The following PTPRN2 variants were observed in gnomAD, a reference collection of about 807,000 sequenced individuals.
PTPRN2 encodes the protein receptor-type tyrosine-protein phosphatase N2.
A neutral mutation model predicts 118.8 loss-of-function variants in PTPRN2; 74 were observed. The ratio of observed to expected loss-of-function variants is 0.62; its 90% confidence interval spans 0.52 to 0.76. The LOEUF is 0.76. Ranked by LOEUF, PTPRN2 falls within the 30% of genes least tolerant of loss-of-function variation. The pLI is 0.00. For synonymous variants in PTPRN2, 641 were observed against 608.0 expected (o/e 1.05, Z -0.80); for missense variants, 1,481 against 1,394.4 (o/e 1.06, Z -0.99).
chr7:158,287,219 CTCT>C (rs747329953), intron 3 of PTPRN2, among the ~76,000 whole-genome samples: 2 of 151,976 alleles, frequency 1.3e-5, no homozygotes, highest in South Asian at 2.1e-4. Flanking sequence ...CTTGACTTTT[CTCT>C]TTTTTCTTAG....
intron 11 of PTPRN2, among the ~76,000 whole-genome samples, chr7:157,918,666 A>G (rs1413621584): frequency 1.3e-5 from 2 of 152,262 alleles, no homozygotes; most frequent in Non-Finnish European, 2.9e-5. Flanking sequence ...CACCAAGAAA[A>G]TGTGCAATTT....
intron 12 of PTPRN2, among the ~76,000 whole-genome samples, chr7:157,853,160 A>T (rs764924393): frequency 7.2e-5 from 11 of 152,200 alleles, no homozygotes; most frequent in Non-Finnish European, 1.5e-4. Flanking sequence ...GGAAACAAGA[A>T]GCAGCTCACT....
rs1408966199 is a variant in PTPRN2, at chr7:157,944,997, C to T, written c.1724-46260G>A. On this transcript the variant is annotated intron_variant, in intron 11 of 22. Coordinates refer to ENST00000389418, the MANE Select transcript of PTPRN2 (RefSeq NM_002847.5). The surrounding 1 kb of genome is among the most constrained non-coding windows in gnomAD (Gnocchi z 4.3). ...CCCAGTGCTGTGACCCCACCATGAT[C>T]GCTCATCTGCTCCAGCTGGAGCACT... Among the ~76,000 whole-genome samples the T allele has an allele frequency of 2.6e-5, 4 of 152,224 alleles. No homozygotes were observed. The highest frequency in any genetic ancestry group is 6.5e-5 in the Admixed American group (1 of 15,290).
intron 8 of PTPRN2, among the ~76,000 whole-genome samples, chr7:158,135,640 C>A (rs990178719): frequency 6.6e-6 from 1 of 152,150 alleles, no homozygotes; most frequent in Non-Finnish European, 1.5e-5. Flanking sequence ...CGCTCCCTGC[C>A]CCTCAGGTGG....
rs139976403 is a variant in PTPRN2 at position 157,817,771 on chromosome 7, G to A, written c.1788+80902C>T. ...GTGTGTGTCTATGTGTAATGTGTGA[G>A]AGACGTGTGTGATGTGTGCATGTGT... On this transcript the variant is annotated intron_variant, in intron 12 of 22. Transcript: ENST00000389418. Among the ~76,000 whole-genome samples, 106 of 152,216 alleles carry A rather than the reference G, an allele frequency of 7.0e-4. 1 individual carries two copies. The highest frequency in any genetic ancestry group is 1.3e-3 in the Non-Finnish European group (88 of 68,020).
At chr7:158,522,661 T>C (rs1824294233) in intron 1 of PTPRN2, among the ~76,000 whole-genome samples, 2 of 152,184 alleles carry the variant, frequency 1.3e-5, no homozygotes, top group African/African-American at 2.4e-5. Context: ...TGGACACAGA[T>C]TAAGGTGAAG....
intron 2 of PTPRN2, among the ~76,000 whole-genome samples, chr7:158,335,587 G>T (rs1298107966): frequency 5.8e-5 from 1 of 17,178 alleles, no homozygotes; most frequent in East Asian, 1.3e-3. Flanking sequence ...GGCCCACAGA[G>T]GACACTCACA....
intron 11 of PTPRN2, among the ~76,000 whole-genome samples, chr7:157,908,352 A>C (rs1797897172): frequency 6.6e-6 from 1 of 152,378 alleles, no homozygotes; most frequent in South Asian, 2.1e-4. Context: ...GAGGCCTTTC[A>C]TGCCTGGGAG....
intron 12 of PTPRN2, among the ~76,000 whole-genome samples, chr7:157,839,943 C>T (rs567074086): frequency 4.9e-5 from 6 of 121,990 alleles, no homozygotes; most frequent in South Asian, 2.8e-4. Flanking sequence ...TGTGTGACTG[C>T]GTGTGACTGT....
chr7:157,557,898 T>C (rs1232053237), intron 21 of PTPRN2, among the ~76,000 whole-genome samples: 2 of 151,450 alleles, frequency 1.3e-5, no homozygotes, highest in Non-Finnish European at 2.9e-5. Context: ...TAGAAGTGTA[T>C]GAATGAGTAC....
At position 157,964,056 on chromosome 7, in the gene PTPRN2, C is replaced by T. The variant is rs1801728077; in HGVS notation, c.1724-65319G>A. Reference sequence around the variant, plus strand: ...AGTATTTTTTTTAATAAAGATTATTCCCAATAGATCTTAGTCTTCATCTGT... The same window carrying T: ...AGTATTTTTTTTAATAAAGATTATTTCCAATAGATCTTAGTCTTCATCTGT... On this transcript the variant is annotated intron_variant, in intron 11 of 22. Coordinates refer to ENST00000389418, the MANE Select transcript of PTPRN2 (RefSeq NM_002847.5). The surrounding 1 kb of genome is among the most constrained non-coding windows in gnomAD (Gnocchi z 9.0). Among the ~76,000 whole-genome samples the T allele has an allele frequency of 6.6e-6, 1 of 152,086 alleles. No individual in the cohort carries two copies. The highest frequency in any genetic ancestry group is 2.1e-4 in the South Asian group (1 of 4,808).
rs139409665 is a variant in PTPRN2, at chr7:158,526,937, G to A, written c.113-37152C>T. Among the ~76,000 whole-genome samples, 1,390 of 152,234 alleles carry A rather than the reference G, an allele frequency of 9.1e-3. 19 individuals carry two copies. The highest frequency in any genetic ancestry group is 0.032 in the African/African-American group (1,310 of 41,538). On this transcript the variant is annotated intron_variant, in intron 1 of 22. Coordinates refer to ENST00000389418, the MANE Select transcript of PTPRN2 (RefSeq NM_002847.5). The surrounding 1 kb of genome is among the most constrained non-coding windows in gnomAD (Gnocchi z 5.2). The stretch of plus-strand genomic sequence containing the variant: ...TGAGCCAATTCATACAGTGGATTCC[G>A]CCACTTTCTTTCTAACACAATGAAG...
chr7:158,493,066 CT>C (rs1312775547), intron 1 of PTPRN2, among the ~76,000 whole-genome samples: 1 of 152,238 alleles, frequency 6.6e-6, no homozygotes, highest in Non-Finnish European at 1.5e-5. Flanking sequence ...ATTATCCACC[CT>C]TTTGCATGAA....
intron 11 of PTPRN2, among the ~76,000 whole-genome samples, chr7:157,917,512 A>C (rs1798476872): frequency 6.6e-6 from 1 of 152,240 alleles, no homozygotes; most frequent in Non-Finnish European, 1.5e-5. Flanking sequence ...ATGGCTGCGC[A>C]GTAATAATAG....
chr7:157,795,377 G>A (rs1384913091), intron 12 of PTPRN2, among the ~76,000 whole-genome samples: 3 of 152,212 alleles, frequency 2.0e-5, no homozygotes, highest in Admixed American at 2.0e-4. Context: ...CAAAATCTCC[G>A]ACTCCACATG....
At chr7:157,996,309 C>T (rs1192032950) in intron 11 of PTPRN2, among the ~76,000 whole-genome samples, 5 of 152,334 alleles carry the variant, frequency 3.3e-5, no homozygotes, top group East Asian at 1.9e-4. Context: ...GGTGAGAATT[C>T]GCCGCTCGGG....
chr7:157,766,913 G>T (rs1355538797), intron 12 of PTPRN2, among the ~76,000 whole-genome samples: 1 of 152,166 alleles, frequency 6.6e-6, no homozygotes, highest in East Asian at 1.9e-4. Flanking sequence ...TGTCTTCCTG[G>T]CCAGCTCTCA....
chr7:157,657,725 A>C, intron 13 of PTPRN2, among the ~76,000 whole-genome samples: 1 of 140,486 alleles, frequency 7.1e-6, no homozygotes, highest in South Asian at 2.4e-4. Flanking sequence ...CACACACACC[A>C]CACACATCAC....
chr7:158,466,812 G>A lies in PTPRN2; in HGVS notation c.163+22923C>T, dbSNP rs11981743. On this transcript the variant is annotated intron_variant, in intron 2 of 22. Transcript: ENST00000389418. ...TCCCAGAATTTTGGGAGGCTGAGGC[G>A]GGTGGATCACTTGAGGTCAGGAGCT... Among the ~76,000 whole-genome samples the A allele has an allele frequency of 8.9e-3, 1,353 of 152,250 alleles. 25 individuals are homozygous for A. The highest frequency in any genetic ancestry group is 0.03 in the African/African-American group (1,257 of 41,542).
Sources: allele counts gnomAD v4.1 joint callset (sites outside exome capture counted in the v4.1 genomes callset), GRCh38; gene constraint gnomAD v4.1.1; non-coding constraint Gnocchi (gnomAD v3.1); transcripts MANE v1.5; gene names NCBI Gene and HGNC (gene_info 2026-07-23, HGNC 2026-07-21).